Variants in RFX3 observed in about 807,000 individuals in gnomAD.
The protein encoded by RFX3 is transcription factor RFX3.
A neutral mutation model predicts 98.6 loss-of-function variants in RFX3; 14 were observed. The observed-to-expected ratio is 0.14, with a 90% CI of 0.09 to 0.22. The LOEUF (loss-of-function observed/expected upper bound fraction) is 0.22. RFX3 is among the 10% of genes least tolerant of loss of function. The pLI is 1.00. For synonymous variants in RFX3, 383 were observed against 328.4 expected, an observed-to-expected ratio of 1.17 and a Z score of -1.80; for missense variants, 639 against 926.9, an observed-to-expected ratio of 0.69 and a Z score of 4.03.
chr9:3,279,531 T>A (rs1333477545), intron 7 of RFX3, among the ~76,000 whole-genome samples: 1 of 151,834 alleles, frequency 6.6e-6, no homozygotes, highest in Non-Finnish European at 1.5e-5. Flanking sequence ...CTGCCACATT[T>A]CTTTGTCCTA....
chr9:3,300,934 TAGTAATGGTA>T lies in RFX3; in HGVS notation c.549+602_549+611del, dbSNP rs1456776782. Among the ~76,000 whole-genome samples the T allele has an allele frequency of 5.2e-3, 797 of 151,944 alleles. 8 individuals carry two copies. The highest frequency in any genetic ancestry group is 0.018 in the African/African-American group (759 of 41,502). ...GATAACAGGAAACAGCTTCAGGGCA[TAGTAATGGTA>T]GTTTTATCTCAATTATTAGCAATTT... is the stretch of plus-strand genomic sequence containing the variant. On this transcript the variant is annotated intron_variant, in intron 5 of 16. Transcript: ENST00000617270.
intron 1 of RFX3, among the ~76,000 whole-genome samples, chr9:3,445,652 T>C (rs1845981705): frequency 6.6e-6 from 1 of 152,190 alleles, no homozygotes. Context: ...AATTTTCTCA[T>C]GTTATGCATC....
intron 2 of RFX3, among the ~76,000 whole-genome samples, chr9:3,376,942 C>A (rs1335252395): frequency 2.0e-5 from 3 of 152,140 alleles, no homozygotes; most frequent in Non-Finnish European, 4.4e-5. Flanking sequence ...AGTCAGGAAA[C>A]AACAGGTGCT....
intron 1 of RFX3, among the ~76,000 whole-genome samples, chr9:3,401,178 G>C (rs1309218699): frequency 2.0e-5 from 3 of 152,138 alleles, no homozygotes; most frequent in African/African-American, 7.2e-5. Context: ...TATTTTTCCA[G>C]AGGCATTTTT....
At chr9:3,241,824 C>T (rs1308299598) in intron 15 of RFX3, among the ~76,000 whole-genome samples, 1 of 152,072 alleles carries the variant, frequency 6.6e-6, no homozygotes, top group Non-Finnish European at 1.5e-5. Flanking sequence ...ACTAATATTC[C>T]ATTTAGTTTT....
chr9:3,310,898 T>C (rs1337160148), intron 4 of RFX3, among the ~76,000 whole-genome samples: 1 of 152,144 alleles, frequency 6.6e-6, no homozygotes, highest in Non-Finnish European at 1.5e-5. Flanking sequence ...AAATCAAAAT[T>C]TGCTAAATGA....
intron 4 of RFX3, among the ~76,000 whole-genome samples, chr9:3,308,764 C>T (rs1023149859): frequency 5.9e-5 from 9 of 152,042 alleles, no homozygotes; most frequent in African/African-American, 2.2e-4. Context: ...CACCCCCATG[C>T]CATGACTGTT....
At chr9:3,271,198 T>G in intron 9 of RFX3, 80 bp from the exon 10 acceptor site, 1 of 1,218,356 alleles carries the variant, frequency 8.2e-7, no homozygotes, top group East Asian at 2.4e-5. Flanking sequence ...ATGACAAGAT[T>G]TTATATGGTC....
chr9:3,453,375 A>G (rs1846846940), intron 1 of RFX3: 1 of 151,860 alleles, frequency 6.6e-6, no homozygotes. Context: ...CCCAAATCCT[A>G]AGACACAAGC....
intron 1 of RFX3, among the ~76,000 whole-genome samples, chr9:3,484,915 C>T (rs1234739621): frequency 6.6e-6 from 1 of 150,526 alleles, no homozygotes; most frequent in Non-Finnish European, 1.5e-5. Context: ...GAGACACCCC[C>T]CCCCACCCCA....
At chr9:3,336,901 A>T (rs1250060436) in intron 3 of RFX3, among the ~76,000 whole-genome samples, 1 of 152,186 alleles carries the variant, frequency 6.6e-6, no homozygotes, top group Non-Finnish European at 1.5e-5. Context: ...AAGAGAATAT[A>T]CACATAAATG....
At chr9:3,250,259 A>G (rs577408762) in intron 14 of RFX3, among the ~76,000 whole-genome samples, 18 of 152,196 alleles carry the variant, frequency 1.2e-4, no homozygotes, top group African/African-American at 4.3e-4. Context: ...AAGCATGAAC[A>G]GAATATTTGC....
chr9:3,345,722 T>A (rs754580288), intron 3 of RFX3, among the ~76,000 whole-genome samples: 4 of 152,154 alleles, frequency 2.6e-5, no homozygotes, highest in African/African-American at 7.2e-5. Context: ...TTTTTAGTTA[T>A]AATAATAATA....
chr9:3,509,436 T>C (rs543326052), intron 1 of RFX3, among the ~76,000 whole-genome samples: 1 of 152,108 alleles, frequency 6.6e-6, no homozygotes, highest in South Asian at 2.1e-4. Context: ...GACTGAAAAT[T>C]ATTTACACTA....
chr9:3,281,370 G>A (rs547197359), intron 7 of RFX3, among the ~76,000 whole-genome samples: 100 of 147,486 alleles, frequency 6.8e-4, no homozygotes, highest in Non-Finnish European at 2.3e-4. Flanking sequence ...AAAAAAAAAA[G>A]TCAAACAAAA....
At chr9:3,303,395 G>A (rs1289285673) in intron 4 of RFX3, among the ~76,000 whole-genome samples, 1 of 151,684 alleles carries the variant, frequency 6.6e-6, no homozygotes, top group African/African-American at 2.4e-5. Context: ...TCACTTATAG[G>A]AAGAATTTGC....
intron 14 of RFX3, among the ~76,000 whole-genome samples, chr9:3,254,287 C>A (rs571705410): frequency 0.014 from 2,003 of 146,978 alleles, 22 homozygotes; most frequent in Middle Eastern, 0.022. Context: ...AAAAAAAAAA[C>A]CAACCACAGG....
At chr9:3,477,575 T>A (rs1461213331) in intron 1 of RFX3, among the ~76,000 whole-genome samples, 1 of 152,190 alleles carries the variant, frequency 6.6e-6, no homozygotes, top group Non-Finnish European at 1.5e-5. Context: ...GTCATTTTTC[T>A]CCTGCTACTT....
intron 2 of RFX3, among the ~76,000 whole-genome samples, chr9:3,387,578 T>C (rs1239082124): frequency 6.6e-6 from 1 of 152,112 alleles, no homozygotes; most frequent in East Asian, 1.9e-4. Flanking sequence ...ACCAATATTT[T>C]GCAGTTCTGG....
Sources: gnomAD v4.1 joint callset for allele counts (sites outside exome capture counted in the v4.1 genomes callset) on GRCh38, gnomAD v4.1.1 for gene constraint, MANE v1.5 for transcripts, NCBI Gene and HGNC (gene_info 2026-07-23, HGNC 2026-07-21) for gene names.